The following AGMO variants were observed in gnomAD, a reference collection of about 807,000 sequenced individuals.
AGMO encodes the protein alkylglycerol monooxygenase.
AGMO carries 75 observed loss-of-function variants against 60.2 expected under a neutral mutation model. The observed-to-expected ratio is 1.25, with a 90% CI of 1.03 to 1.51. AGMO has a LOEUF of 1.51. Ranked by LOEUF, AGMO falls within the 40% of genes most tolerant of loss-of-function variation. The probability of loss-of-function intolerance (pLI) is 0.00; values close to 1 mark genes in which losing one functional copy is unlikely to be tolerated. For synonymous variants in AGMO, 261 were observed against 177.1 expected (o/e 1.47, Z -3.76); for missense variants, 763 against 525.5 (o/e 1.45, Z -4.42).
At chr7:15,389,918 G>A (rs979912516) in intron 8 of AGMO, among the ~76,000 whole-genome samples, 1 of 152,122 alleles carries the variant, frequency 6.6e-6, no homozygotes, top group Non-Finnish European at 1.5e-5. Flanking sequence ...GAAGTAGTCT[G>A]GAAAAGCTGA....
At chr7:15,339,678 C>G (rs1184198883) in intron 12 of AGMO, among the ~76,000 whole-genome samples, 1 of 152,120 alleles carries the variant, frequency 6.6e-6, no homozygotes, top group Admixed American at 6.6e-5. Context: ...TTTCCCATCC[C>G]TGTATGAAAA....
chr7:15,240,905 C>A (rs908756674), intron 12 of AGMO, among the ~76,000 whole-genome samples: 1 of 151,816 alleles, frequency 6.6e-6, no homozygotes, highest in Admixed American at 6.6e-5. Flanking sequence ...GGAGTTAATT[C>A]ATTTCCTTAG....
intron 12 of AGMO, among the ~76,000 whole-genome samples, chr7:15,236,944 G>A (rs1453569205): frequency 6.6e-6 from 1 of 151,010 alleles, no homozygotes; most frequent in South Asian, 2.1e-4. Flanking sequence ...TAAAACAAAA[G>A]AAATTGGTAA....
At chr7:15,310,383 T>C (rs1037860052) in intron 12 of AGMO, among the ~76,000 whole-genome samples, 6 of 152,120 alleles carry the variant, frequency 3.9e-5, no homozygotes, top group African/African-American at 1.4e-4. Context: ...TTTCTATCCT[T>C]TGCCAGAAAT....
intron 12 of AGMO, among the ~76,000 whole-genome samples, chr7:15,219,380 T>C (rs1300277108): frequency 6.6e-6 from 1 of 152,132 alleles, no homozygotes; most frequent in Non-Finnish European, 1.5e-5. Flanking sequence ...CATGATTACA[T>C]TAACTAATAT....
At chr7:15,388,771 GGA>G (rs1784025299) in intron 8 of AGMO, among the ~76,000 whole-genome samples, 1 of 152,132 alleles carries the variant, frequency 6.6e-6, no homozygotes, top group Non-Finnish European at 1.5e-5. Flanking sequence ...ATAAAGGAAT[GGA>G]AGTGAAAATA....
At chr7:15,373,595 G>A (rs891746313) in intron 10 of AGMO, among the ~76,000 whole-genome samples, 1 of 152,026 alleles carries the variant, frequency 6.6e-6, no homozygotes, top group African/African-American at 2.4e-5. Context: ...AACCTTAGGG[G>A]TCAATACAAC....
chr7:15,321,836 C>T (rs1051041646), intron 12 of AGMO, among the ~76,000 whole-genome samples: 1 of 151,888 alleles, frequency 6.6e-6, no homozygotes, highest in Non-Finnish European at 1.5e-5. Flanking sequence ...AGTAAATAGT[C>T]GATTTTTCTA....
At chr7:15,429,452 G>T (rs1781166132) in intron 4 of AGMO, among the ~76,000 whole-genome samples, 1 of 151,192 alleles carries the variant, frequency 6.6e-6, no homozygotes. Flanking sequence ...CAAAAACTAA[G>T]AGAGAGAACC....
At chr7:15,470,089 G>C (rs1782409611) in intron 3 of AGMO, among the ~76,000 whole-genome samples, 1 of 152,004 alleles carries the variant, frequency 6.6e-6, no homozygotes, top group African/African-American at 2.4e-5. Context: ...GACTGAGAGA[G>C]GGTAGTCAAG....
At chr7:15,323,075 T>C (rs1781231209) in intron 12 of AGMO, among the ~76,000 whole-genome samples, 2 of 151,526 alleles carry the variant, frequency 1.3e-5, no homozygotes, top group South Asian at 4.2e-4. Context: ...GGGAAAGAAA[T>C]TAGACTATCT....
chr7:15,550,334 A>G (rs1351364698), intron 2 of AGMO, among the ~76,000 whole-genome samples: 3 of 152,114 alleles, frequency 2.0e-5, no homozygotes. Flanking sequence ...AACTGAAGGA[A>G]ATAGAGACAC....
At chr7:15,546,556 A>T (rs1228716163) in intron 2 of AGMO, among the ~76,000 whole-genome samples, 1 of 152,182 alleles carries the variant, frequency 6.6e-6, no homozygotes, top group African/African-American at 2.4e-5. Flanking sequence ...AAACCCCTCA[A>T]CCTGACAGAG....
Position 15,561,853 on chromosome 7 carries a change from C to T in AGMO, c.-8G>A, listed in dbSNP as rs752443734. On this transcript the variant is annotated 5_prime_UTR_variant, in exon 1 of 13. Coordinates refer to ENST00000342526, the MANE Select transcript of AGMO (RefSeq NM_001004320.2). ...GGCTTCTGGGTTCTTCATTTCTGCC[C>T]TTGTCTGATTCCCAGCTGGAGAATA... 2 of 1,589,984 alleles carry T rather than the reference C, an allele frequency of 1.3e-6. No homozygotes were observed. Among genetic ancestry groups the T allele is most frequent in the Non-Finnish European group, 8.6e-7 (1 of 1,166,792 alleles).
At chr7:15,468,599 C>T (rs762717948) in intron 3 of AGMO, among the ~76,000 whole-genome samples, 1 of 151,798 alleles carries the variant, frequency 6.6e-6, no homozygotes, top group Non-Finnish European at 1.5e-5. Flanking sequence ...TTGATAAGAA[C>T]GTGCCTTAGA....
At chr7:15,389,521 G>C (rs1006626517) in intron 8 of AGMO, among the ~76,000 whole-genome samples, 2 of 152,154 alleles carry the variant, frequency 1.3e-5, no homozygotes, top group African/African-American at 4.8e-5. Context: ...TGAGAAGAAA[G>C]AAGAGAGATA....
intron 3 of AGMO, among the ~76,000 whole-genome samples, chr7:15,464,158 A>T (rs150097395): frequency 1.3e-3 from 198 of 152,280 alleles, no homozygotes; most frequent in African/African-American, 4.3e-3. Context: ...TTAAAACAGA[A>T]ATAAATGCAC....
At chr7:15,262,143 C>G (rs1783291425) in intron 12 of AGMO, among the ~76,000 whole-genome samples, 1 of 151,964 alleles carries the variant, frequency 6.6e-6, no homozygotes, top group Non-Finnish European at 1.5e-5. Flanking sequence ...AGCAATCAGA[C>G]AAGAGAAGGA....
chr7:15,549,025 G>A (rs1378157341), intron 2 of AGMO, among the ~76,000 whole-genome samples: 4 of 150,694 alleles, frequency 2.7e-5, no homozygotes, highest in Non-Finnish European at 5.9e-5. Flanking sequence ...CATTGTTAAA[G>A]AAAAGAATTT....
Sources: gnomAD v4.1 joint callset for allele counts (sites outside exome capture counted in the v4.1 genomes callset) on GRCh38, gnomAD v4.1.1 for gene constraint, MANE v1.5 for transcripts, NCBI Gene and HGNC (gene_info 2026-07-23, HGNC 2026-07-21) for gene names.